LARGE1: variants seen among roughly 807,000 people sequenced by gnomAD.
The protein encoded by LARGE1 is LARGE xylosyl- and glucuronyltransferase 1.
In LARGE1, 43 loss-of-function variants were observed where a neutral mutation model predicts 87.6. The observed-to-expected ratio is 0.49, with a 90% CI of 0.38 to 0.63. The LOEUF (loss-of-function observed/expected upper bound fraction) is 0.63, where lower values mean the gene tolerates loss of function less well. Ranked by LOEUF, LARGE1 falls within the 30% of genes least tolerant of loss-of-function variation. The pLI is 0.00. For missense variants in LARGE1, 802 were observed against 1,000.2 expected, an observed-to-expected ratio of 0.80 and a Z score of 2.67; for synonymous variants, 434 against 394.6, an observed-to-expected ratio of 1.10 and a Z score of -1.18.
At chr22:33,235,877 G>A (rs979232509) in intron 11 of LARGE1, among the ~76,000 whole-genome samples, 3 of 152,152 alleles carry the variant, frequency 2.0e-5, no homozygotes, top group African/African-American at 7.2e-5. Flanking sequence ...CCAGAATGTT[G>A]GGATATGGCT....
intron 11 of LARGE1, among the ~76,000 whole-genome samples, chr22:33,309,760 G>A (rs1350512105): frequency 6.6e-6 from 1 of 152,160 alleles, no homozygotes; most frequent in Non-Finnish European, 1.5e-5. Flanking sequence ...GGGTAACAAT[G>A]GGCTCAGCAT....
At chr22:33,853,676 A>G (rs1407049253) in intron 1 of LARGE1, among the ~76,000 whole-genome samples, 1 of 152,232 alleles carries the variant, frequency 6.6e-6, no homozygotes, top group African/African-American at 2.4e-5. Context: ...GAAGATAGCA[A>G]GGATACAAAA....
intron 1 of LARGE1, among the ~76,000 whole-genome samples, chr22:33,787,699 C>T (rs2085693430): frequency 6.6e-6 from 1 of 152,170 alleles, no homozygotes; most frequent in South Asian, 2.1e-4. Flanking sequence ...GAGAAAGTTA[C>T]CCCCTCCCTT....
chr22:33,720,240 AAGG>A (rs1211453043), intron 2 of LARGE1, among the ~76,000 whole-genome samples: 2 of 152,160 alleles, frequency 1.3e-5, no homozygotes, highest in African/African-American at 4.8e-5. Context: ...AGATTCTCAT[AAGG>A]AGCCCTCTTG....
intron 6 of LARGE1, among the ~76,000 whole-genome samples, chr22:33,440,624 G>GT (rs1383726986): frequency 2.0e-5 from 3 of 152,178 alleles, no homozygotes; most frequent in Non-Finnish European, 4.4e-5. Context: ...CAGGATGTCT[G>GT]TAAGTAGGAA....
intron 6 of LARGE1, among the ~76,000 whole-genome samples, chr22:33,547,368 G>A (rs1246545959): frequency 1.3e-5 from 2 of 151,758 alleles, no homozygotes; most frequent in Non-Finnish European, 2.9e-5. Context: ...CGCTACTATG[G>A]GAATCTAATC....
chr22:33,773,055 C>A (rs897854847), intron 1 of LARGE1, among the ~76,000 whole-genome samples: 2 of 152,266 alleles, frequency 1.3e-5, no homozygotes, highest in African/African-American at 2.4e-5. Context: ...CCTCAGACAC[C>A]CTCTCGTGCA....
intron 2 of LARGE1, among the ~76,000 whole-genome samples, chr22:33,710,106 A>G (rs1325514237): frequency 1.3e-5 from 2 of 152,068 alleles, no homozygotes; most frequent in Admixed American, 6.6e-5. Context: ...TAGCTATACG[A>G]GCAAAGAACT....
chr22:33,868,850 T>A (rs999719), intron 1 of LARGE1, among the ~76,000 whole-genome samples: 63,217 of 151,724 alleles, frequency 0.42, 14,338 homozygotes, highest in African/African-American at 0.6. Context: ...CTTGAGGGGC[T>A]CAAAACTAAA....
rs1474369486 is a variant in LARGE1 at position 33,553,226 on chromosome 22, CG to C, written c.787+11621del. On this transcript the variant is annotated intron_variant, in intron 6 of 14. Coordinates refer to ENST00000397394, the MANE Select transcript of LARGE1 (RefSeq NM_133642.5). ...TTGTGATTACAATAAAATGACTCAG[CG>C]GGGCACAGTGGCTCACGCCTGTAAT... is the stretch of plus-strand genomic sequence containing the variant. 3.3e-5 allele frequency among the ~76,000 whole-genome samples: 5 copies of C among 152,252 alleles called. No individual in the cohort carries two copies. The East Asian group carries it at 9.7e-4, about 29-fold the overall frequency.
chr22:33,295,427 T>C (rs1350681737), intron 12 of LARGE1, among the ~76,000 whole-genome samples: 2 of 152,230 alleles, frequency 1.3e-5, no homozygotes, highest in Admixed American at 6.5e-5. Flanking sequence ...CTGTCCCTCA[T>C]AGCTGTTTAA....
chr22:33,339,904 G>A (rs1938954699), intron 9 of LARGE1, among the ~76,000 whole-genome samples: 2 of 152,134 alleles, frequency 1.3e-5, no homozygotes, highest in Non-Finnish European at 2.9e-5. Flanking sequence ...GGGCTCAAGT[G>A]ATCCTCCCAC....
At chr22:33,888,095 C>G (rs1453365502) in intron 1 of LARGE1, among the ~76,000 whole-genome samples, 1 of 152,162 alleles carries the variant, frequency 6.6e-6, no homozygotes, top group Non-Finnish European at 1.5e-5. Context: ...GTTCCACAGT[C>G]AGGCCCCTCT....
At chr22:33,883,816 C>T (rs565574308) in intron 1 of LARGE1, among the ~76,000 whole-genome samples, 66 of 152,204 alleles carry the variant, frequency 4.3e-4, no homozygotes, top group Non-Finnish European at 9.3e-4. Flanking sequence ...TCCTTAAAAC[C>T]GCAAACCCTA....
Position 33,502,911 on chromosome 22 carries a change from C to T in LARGE1, c.787+61937G>A, listed in dbSNP as rs994075963. Among the ~76,000 whole-genome samples the T allele has an allele frequency of 5.3e-5, 8 of 152,272 alleles. No individual in the cohort carries two copies. The South Asian group carries it at 6.2e-4, about 12-fold the overall frequency. On this transcript the variant is annotated intron_variant, in intron 6 of 14. Coordinates refer to ENST00000397394, the MANE Select transcript of LARGE1 (RefSeq NM_133642.5). ...AGAGTCCCTGCTATGCTCTAGGCCT[C>T]GTACCAGGCTTTTACACATCATATC...
chr22:33,752,147 C>T (rs564924975), intron 2 of LARGE1, among the ~76,000 whole-genome samples: 13 of 152,240 alleles, frequency 8.5e-5, no homozygotes, highest in East Asian at 1.9e-4. Flanking sequence ...TTATAAATAA[C>T]GCTGATGTGA....
chr22:33,393,329 G>A (rs1043171528), intron 7 of LARGE1, among the ~76,000 whole-genome samples: 47 of 152,204 alleles, frequency 3.1e-4, no homozygotes, highest in African/African-American at 1.1e-3. Context: ...TTCAAAATAT[G>A]AAGTAGTACA....
intron 10 of LARGE1, among the ~76,000 whole-genome samples, chr22:33,335,329 G>A (rs991940835): frequency 1.3e-5 from 2 of 152,148 alleles, no homozygotes; most frequent in African/African-American, 4.8e-5. Flanking sequence ...CACTAGATGC[G>A]AAGGAGGGCA....
the LARGE1 span, among the ~76,000 whole-genome samples, chr22:33,112,967 G>A: frequency 6.6e-6 from 1 of 152,128 alleles, no homozygotes; most frequent in African/African-American, 2.4e-5. Flanking sequence ...AAATCCAAGA[G>A]AAATGAAGAT....
Sources: gnomAD v4.1 joint callset for allele counts (sites outside exome capture counted in the v4.1 genomes callset) on GRCh38, gnomAD v4.1.1 for gene constraint, MANE v1.5 for transcripts, NCBI Gene and HGNC (gene_info 2026-07-23, HGNC 2026-07-21) for gene names.